AGAP1: variants seen among roughly 807,000 people sequenced by gnomAD.
AGAP1 encodes the protein ArfGAP with GTPase domain, ankyrin repeat and PH domain 1.
A neutral mutation model predicts 105.3 loss-of-function variants in AGAP1; 29 were observed. The observed-to-expected ratio is 0.28, with a 90% confidence interval of 0.21 to 0.38. The LOEUF is 0.38. Among genes scored for constraint, AGAP1 ranks in the 10% least tolerant of loss-of-function variants. The pLI is 1.00. For missense variants in AGAP1, 998 were observed against 1,165.1 expected, an observed-to-expected ratio of 0.86 and a Z score of 2.09; for synonymous variants, 509 against 485.9, an observed-to-expected ratio of 1.05 and a Z score of -0.63.
rs1413719875 is a variant in AGAP1 at position 236,090,954 on chromosome 2, G to A, written c.2115-29238G>A. Among the ~76,000 whole-genome samples, 2 of 152,200 alleles carry A rather than the reference G, an allele frequency of 1.3e-5. No homozygotes were observed. Among genetic ancestry groups the A allele is most frequent in the Non-Finnish European group, 2.9e-5 (2 of 68,050 alleles). ...AGGTTTCACCATGTTGGCCAGGCTG[G>A]TGTCGACCTCCTGACCTCAGGTGAT... On this transcript the variant is annotated intron_variant, in intron 16 of 17. Transcript: ENST00000304032. The surrounding 1 kb of genome is among the most constrained non-coding windows in gnomAD (Gnocchi z 4.3).
chr2:235,518,835 G>A (rs1019241906), intron 1 of AGAP1, among the ~76,000 whole-genome samples: 5 of 152,196 alleles, frequency 3.3e-5, no homozygotes, highest in African/African-American at 1.2e-4. Flanking sequence ...TTCACATCTT[G>A]ACTGGCAGGC....
In AGAP1 at chr2:235,983,000, A is replaced by G. The variant is rs140415473; in HGVS notation, c.1645+14377A>G. On this transcript the variant is annotated intron_variant, in intron 13 of 17. Transcript: ENST00000304032. This position sits in a 1 kb window ranked among gnomAD's most constrained non-coding sequence, Gnocchi z 4.9. ...CCCAACCCCTAAAAAGCATTTGCAAACACTCCTCCACACTGTTCAGATGAG... is the reference window on the plus strand; with the variant it reads ...CCCAACCCCTAAAAAGCATTTGCAAGCACTCCTCCACACTGTTCAGATGAG... Among the ~76,000 whole-genome samples, 9 of 152,262 alleles carry G rather than the reference A, an allele frequency of 5.9e-5. No homozygotes were observed. Among genetic ancestry groups the G allele is most frequent in the African/African-American group, 2.2e-4 (9 of 41,556 alleles).
chr2:236,072,179 C>T (rs1396552734), intron 16 of AGAP1: 6 of 147,094 alleles, frequency 4.1e-5, no homozygotes, highest in African/African-American at 1.0e-4. Context: ...CAGTGGCTCA[C>T]GCCTATAATC....
chr2:235,839,155 A>G (rs1960511531), intron 9 of AGAP1, among the ~76,000 whole-genome samples: 1 of 152,216 alleles, frequency 6.6e-6, no homozygotes, highest in Admixed American at 6.5e-5. Flanking sequence ...CTGTGAAGCA[A>G]TCTTTTATGG....
intron 5 of AGAP1, among the ~76,000 whole-genome samples, chr2:235,748,292 C>T (rs529513437): frequency 1.3e-5 from 2 of 152,220 alleles, no homozygotes; most frequent in South Asian, 2.1e-4. Context: ...CGGGATTGCT[C>T]GGCCGCAGGT....
At chr2:236,097,049 C>T in intron 16 of AGAP1, among the ~76,000 whole-genome samples, 1 of 152,112 alleles carries the variant, frequency 6.6e-6, no homozygotes. Flanking sequence ...CAAATCTGTC[C>T]TTATGGTTTG....
chr2:235,783,417 T>C (rs1272300194), intron 6 of AGAP1: 1 of 470,728 alleles, frequency 2.1e-6, no homozygotes, highest in South Asian at 1.6e-5. Context: ...CAGGTGTTGC[T>C]TTCTTTGTGG....
At chr2:235,696,275 A>C (rs1375107472) in intron 1 of AGAP1, among the ~76,000 whole-genome samples, 8 of 152,122 alleles carry the variant, frequency 5.3e-5, no homozygotes, top group Admixed American at 5.2e-4. Flanking sequence ...TGAACTCCTG[A>C]CCTCGGGTGA....
intron 6 of AGAP1, among the ~76,000 whole-genome samples, chr2:235,770,719 T>A (rs946417049): frequency 7.9e-5 from 12 of 151,854 alleles, no homozygotes; most frequent in Admixed American, 1.3e-4. Flanking sequence ...GAGAAAAAAA[T>A]TGCCTTTCAT....
At position 235,642,040 on chromosome 2, in the gene AGAP1, T is replaced by C. The variant is rs1013625075; in HGVS notation, c.164-67139T>C. The stretch of plus-strand genomic sequence containing the variant: ...GTATCTTCTTACATCATCTTGCTTC[T>C]TTACTCAGCATAAAGCCTCGTAGTA... On this transcript the variant is annotated intron_variant, in intron 1 of 17. Coordinates refer to ENST00000304032, the MANE Select transcript of AGAP1 (RefSeq NM_001037131.3). This position sits in a 1 kb window ranked among gnomAD's most constrained non-coding sequence, Gnocchi z 4.1. Among the ~76,000 whole-genome samples, 2 of 152,238 alleles carry C rather than the reference T, an allele frequency of 1.3e-5. No individual in the cohort carries two copies. Among genetic ancestry groups the C allele is most frequent in the African/African-American group, 4.8e-5 (2 of 41,464 alleles).
chr2:235,812,983 T>A (rs1021511689), intron 9 of AGAP1, among the ~76,000 whole-genome samples: 1 of 152,334 alleles, frequency 6.6e-6, no homozygotes, highest in East Asian at 1.9e-4. Context: ...GAGAGTCTTA[T>A]ATTCAGCCCG....
chr2:236,026,809 A>G (rs568693095), intron 13 of AGAP1, among the ~76,000 whole-genome samples: 47 of 152,318 alleles, frequency 3.1e-4, no homozygotes, highest in East Asian at 1.9e-4. Context: ...AAAAGGCCCA[A>G]CCATCTTGTT....
chr2:235,916,079 A>C (rs948635865), intron 11 of AGAP1, among the ~76,000 whole-genome samples: 1 of 151,910 alleles, frequency 6.6e-6, no homozygotes, highest in Non-Finnish European at 1.5e-5. Context: ...ATGAAGATAG[A>C]AAAAAAAGAC....
Position 235,655,878 on chromosome 2 carries a change from G to T in AGAP1, c.164-53301G>T, listed in dbSNP as rs1384603257. ...TGGATGCTGGGGAAGAATCTTTGTT[G>T]GAATATGACCCTGGGTTTTGTATGG... On this transcript the variant is annotated intron_variant, in intron 1 of 17. Transcript: ENST00000304032. This position sits in a 1 kb window ranked among gnomAD's most constrained non-coding sequence, Gnocchi z 4.3. Among the ~76,000 whole-genome samples, 1 of 152,160 alleles carries T rather than the reference G, an allele frequency of 6.6e-6. No homozygotes were observed. Among genetic ancestry groups the T allele is most frequent in the East Asian group, 1.9e-4 (1 of 5,196 alleles).
intron 16 of AGAP1, among the ~76,000 whole-genome samples, chr2:236,116,382 C>T (rs1286237460): frequency 9.0e-5 from 8 of 88,516 alleles, no homozygotes; most frequent in South Asian, 7.9e-4. Context: ...GAGAGTTTTG[C>T]TCTGTCGCCC....
At chr2:235,985,180 G>C (rs1439893504) in intron 13 of AGAP1, among the ~76,000 whole-genome samples, 6 of 152,172 alleles carry the variant, frequency 3.9e-5, no homozygotes, top group Non-Finnish European at 7.3e-5. Context: ...CTGTGGTTTT[G>C]ATTTGCATTT....
chr2:235,718,750 A>G (rs886644958), intron 3 of AGAP1, among the ~76,000 whole-genome samples: 9 of 152,190 alleles, frequency 5.9e-5, no homozygotes, highest in South Asian at 4.1e-4. Context: ...GAGACCTTCC[A>G]TACTGAAATG....
At chr2:235,523,504 G>T (rs1169317203) in intron 1 of AGAP1, among the ~76,000 whole-genome samples, 1 of 152,176 alleles carries the variant, frequency 6.6e-6, no homozygotes, top group Non-Finnish European at 1.5e-5. Context: ...GCCTGGCAGG[G>T]TCAGCTGCTT....
At chr2:235,758,545 A>C in intron 6 of AGAP1, among the ~76,000 whole-genome samples, 1 of 152,100 alleles carries the variant, frequency 6.6e-6, no homozygotes, top group East Asian at 1.9e-4. Context: ...TGAAAGTCTT[A>C]TTTCTAAGAC....
Sources: allele counts gnomAD v4.1 joint callset (sites outside exome capture counted in the v4.1 genomes callset), GRCh38; gene constraint gnomAD v4.1.1; non-coding constraint Gnocchi (gnomAD v3.1); transcripts MANE v1.5; gene names NCBI Gene and HGNC (gene_info 2026-07-23, HGNC 2026-07-21).